KSR1: variants seen among roughly 807,000 people sequenced by gnomAD.
The protein encoded by KSR1 is kinase suppressor of ras.
Under a neutral mutation model 92.9 loss-of-function variants are expected in KSR1, and 35 were observed. That is an observed-to-expected ratio of 0.38 (90% CI 0.29 to 0.50). KSR1 has a LOEUF of 0.50. Among genes scored for constraint, KSR1 ranks in the 20% least tolerant of loss-of-function variants. The pLI is 0.94. For missense variants in KSR1, 972 were observed against 1,158.5 expected, an observed-to-expected ratio of 0.84 and a Z score of 2.34; for synonymous variants, 467 against 472.6, an observed-to-expected ratio of 0.99 and a Z score of 0.15.
chr17:27,609,370 G>A, intron 16 of KSR1, 41 bp downstream of exon 16: 1 of 1,610,350 alleles, frequency 6.2e-7, no homozygotes, highest in Non-Finnish European at 8.5e-7. Context: ...GTGGGTGCTG[G>A]ATGGGGAAGA....
intron 2 of KSR1, among the ~76,000 whole-genome samples, chr17:27,555,392 C>T (rs528808495): frequency 3.3e-5 from 5 of 152,286 alleles, no homozygotes; most frequent in African/African-American, 1.2e-4. Context: ...ACATTGGGTT[C>T]TAATCCAATA....
chr17:27,566,385 G>T, intron 2 of KSR1: 1 of 399,082 alleles, frequency 2.5e-6, no homozygotes, highest in Non-Finnish European at 4.4e-6. Context: ...CCCTCTCCCT[G>T]CCTCCTTCTT....
intron 1 of KSR1, among the ~76,000 whole-genome samples, chr17:27,516,533 C>T (rs1449582772): frequency 6.6e-6 from 1 of 152,034 alleles, no homozygotes; most frequent in Non-Finnish European, 1.5e-5. Flanking sequence ...CTCCTCCTCC[C>T]CCTTTCATCC....
chr17:27,617,245 C>T (rs779304620), intron 18 of KSR1, 50 bp from the exon 19 acceptor site: 3 of 1,563,290 alleles, frequency 1.9e-6, no homozygotes, highest in South Asian at 1.2e-5. Context: ...ACTGTGTGCC[C>T]CCTCCCTCCC....
chr17:27,462,315 C>G (rs1462604587), intron 1 of KSR1, among the ~76,000 whole-genome samples: 21 of 152,186 alleles, frequency 1.4e-4, no homozygotes, highest in Non-Finnish European at 1.5e-5. Context: ...AACTCCACAG[C>G]TGTTGCTGTG....
chr17:27,547,759 C>T (rs1597998433), intron 1 of KSR1, among the ~76,000 whole-genome samples: 1 of 152,202 alleles, frequency 6.6e-6, no homozygotes, highest in East Asian at 1.9e-4. Context: ...GGCTGGCAGG[C>T]TGGGGTGCAG....
Position 27,550,548 on chromosome 17 carries a change from C to G in KSR1, c.232-20C>G, listed in dbSNP as rs533897439. 4.2e-5 allele frequency: 32 copies of G among 763,552 alleles called. No individual in the cohort carries two copies. Among genetic ancestry groups the G allele is most frequent in the South Asian group, 3.9e-4 (29 of 74,606 alleles). 47.3% of individuals were successfully genotyped at this position (763,552 alleles called of 1,614,324 possible). A position where few individuals can be genotyped will look rare whatever the true frequency, so the allele number is the denominator to read the frequency against. ...GGGCTGCAGATGAACACAGGCTTTT[C>G]TTTTTTGGACTTTCTGCAGGCGAAG... On this transcript the variant is annotated intron_variant, in intron 1 of 20. Transcript: ENST00000644974.
At position 27,609,469 on chromosome 17, in the gene KSR1, C is replaced by T. The variant is rs544386107; in HGVS notation, c.2225+140C>T. ...GCCCAGGTCGCTTTGGTCCTGCCCT[C>T]GTAGTTCTGGTTCAGAATCAGATTT... On this transcript the variant is annotated intron_variant, in intron 16 of 20. Coordinates refer to ENST00000644974, the MANE Select transcript of KSR1 (RefSeq NM_001394583.1). 181 of 1,102,384 alleles carry T rather than the reference C, an allele frequency of 1.6e-4. No homozygotes were observed. In the African/African-American group the frequency reaches 2.0e-3, roughly 12 times the overall value. The allele number at this position is 1,102,384 out of a possible 1,614,324, so 68.3% of individuals were successfully genotyped here. A position where few individuals can be genotyped will look rare whatever the true frequency, so the allele number is the denominator to read the frequency against.
rs1005772134 is a variant in KSR1 at position 27,550,716 on chromosome 17, A to G, written c.372+8A>G. 1.0e-5 allele frequency: 8 copies of G among 762,128 alleles called. No homozygotes were observed. The highest frequency in any genetic ancestry group is 1.7e-5 in the Admixed American group (1 of 58,992). 47.2% of individuals were successfully genotyped at this position (762,128 alleles called of 1,614,324 possible). On this transcript the variant is annotated splice_region_variant and intron_variant, in intron 2 of 20. Transcript: ENST00000644974. ...AGGCCGGAGGTGGTGCAGGTATGCAAGCTGGTTCTCAGCATAGGGATAGGC... is the reference window on the plus strand; with the variant it reads ...AGGCCGGAGGTGGTGCAGGTATGCAGGCTGGTTCTCAGCATAGGGATAGGC...
intron 1 of KSR1, among the ~76,000 whole-genome samples, chr17:27,545,606 AC>A (rs1172033274): frequency 1.3e-5 from 2 of 152,202 alleles, no homozygotes; most frequent in South Asian, 4.2e-4. Context: ...CACCAGCTGG[AC>A]CCCCACCTCC....
At chr17:27,552,118 C>T (rs1249186364) in intron 2 of KSR1, among the ~76,000 whole-genome samples, 1 of 152,202 alleles carries the variant, frequency 6.6e-6, no homozygotes, top group Non-Finnish European at 1.5e-5. Flanking sequence ...TCCAGGCAGT[C>T]GTCCCTGGTG....
At chr17:27,503,615 G>A (rs1461321501) in intron 1 of KSR1, among the ~76,000 whole-genome samples, 1 of 152,130 alleles carries the variant, frequency 6.6e-6, no homozygotes, top group African/African-American at 2.4e-5. Flanking sequence ...TCTATTTCTG[G>A]TTGTCTTTCT....
At chr17:27,574,672 T>C (rs1019316458) in intron 2 of KSR1, among the ~76,000 whole-genome samples, 1 of 152,200 alleles carries the variant, frequency 6.6e-6, no homozygotes, top group Non-Finnish European at 1.5e-5. Context: ...AGGGTTAGTT[T>C]TGACGCTTGA....
At chr17:27,467,991 G>A (rs777905998) in intron 1 of KSR1, among the ~76,000 whole-genome samples, 19 of 151,684 alleles carry the variant, frequency 1.3e-4, no homozygotes, top group Non-Finnish European at 2.1e-4. Flanking sequence ...TTTCGTTTTC[G>A]TATTTTTAGT....
chr17:27,590,167 T>TA (rs2073113581), intron 6 of KSR1, among the ~76,000 whole-genome samples: 1 of 152,256 alleles, frequency 6.6e-6, no homozygotes, highest in Admixed American at 6.5e-5. Flanking sequence ...TTGACAGTGC[T>TA]ACCATCCAGT....
intron 1 of KSR1, chr17:27,526,326 T>C: frequency 8.4e-7 from 1 of 1,191,536 alleles, no homozygotes. Context: ...TGACCGCAAG[T>C]CCATGTTCCA....
chr17:27,479,213 C>T (rs1229483508), intron 1 of KSR1, among the ~76,000 whole-genome samples: 1 of 151,676 alleles, frequency 6.6e-6, no homozygotes, highest in Non-Finnish European at 1.5e-5. Flanking sequence ...TCCATCCATG[C>T]TCCTCCCTGC....
At position 27,517,772 on chromosome 17, in the gene KSR1, A is replaced by G. The variant is rs898794331; in HGVS notation, c.232-32796A>G. On this transcript the variant is annotated intron_variant, in intron 1 of 20. Transcript: ENST00000644974. The stretch of plus-strand genomic sequence containing the variant: ...GAATCCACCCTTGGCCCACTTCTGT[A>G]TTGTAAGACTTGCTTTTTTCTAACT... 4.6e-5 allele frequency among the ~76,000 whole-genome samples: 7 copies of G among 152,276 alleles called. No homozygotes were observed. The East Asian group carries it at 1.2e-3, about 25-fold the overall frequency.
chr17:27,532,899 C>T (rs929164340), intron 1 of KSR1, among the ~76,000 whole-genome samples: 2 of 152,198 alleles, frequency 1.3e-5, no homozygotes, highest in African/African-American at 4.8e-5. Flanking sequence ...CCCAGCGCCT[C>T]AAGCCTGGAG....
Sources: gnomAD v4.1 joint callset for allele counts (sites outside exome capture counted in the v4.1 genomes callset) on GRCh38, gnomAD v4.1.1 for gene constraint, MANE v1.5 for transcripts, NCBI Gene and HGNC (gene_info 2026-07-23, HGNC 2026-07-21) for gene names.